Variants in EFHD1 observed in about 807,000 individuals in gnomAD.
EFHD1 encodes EF-hand domain family member D1.
A neutral mutation model predicts 17.2 loss-of-function variants in EFHD1; 10 were observed. That is an observed-to-expected ratio of 0.58 (90% CI 0.36 to 0.99). The LOEUF (loss-of-function observed/expected upper bound fraction) is 0.99. EFHD1 is among the 50% of genes least tolerant of loss of function. The pLI, the probability that EFHD1 is intolerant of heterozygous loss-of-function variation, is 0.01. For missense variants in EFHD1, 310 were observed against 327.5 expected (o/e 0.95, Z 0.41); for synonymous variants, 153 against 142.0 (o/e 1.08, Z -0.55).
At chr2:232,631,531 A>C (rs1694200888), upstream of EFHD1, among the ~76,000 whole-genome samples, 1 of 151,060 alleles carries the variant, frequency 6.6e-6, no homozygotes, top group Non-Finnish European at 1.5e-5. Context: ...AGCTGGTCTC[A>C]AACTCCTGGG....
In EFHD1 at chr2:232,654,305, C is replaced by T. The variant is rs534092025; in HGVS notation, c.303-8497C>T. Reference sequence around the variant, plus strand: ...GACATATTTGACCTTTTTTGTTAGGCCTGGAGAACGTTGCAGGCTTTGGGG... The same window carrying T: ...GACATATTTGACCTTTTTTGTTAGGTCTGGAGAACGTTGCAGGCTTTGGGG... On this transcript the variant is annotated intron_variant, in intron 1 of 3. Transcript: ENST00000264059. Among the ~76,000 whole-genome samples, 37 of 151,814 alleles carry T rather than the reference C, an allele frequency of 2.4e-4. No individual in the cohort carries two copies. In the South Asian group the frequency reaches 7.5e-3, roughly 31 times the overall value.
At chr2:232,661,176 A>G (rs1480051629) in intron 1 of EFHD1, among the ~76,000 whole-genome samples, 2 of 151,660 alleles carry the variant, frequency 1.3e-5, no homozygotes, top group Non-Finnish European at 2.9e-5. Flanking sequence ...AAAAAACAAA[A>G]CCTCTGACCA....
chr2:232,673,964 A>G (rs759560704), intron 3 of EFHD1, among the ~76,000 whole-genome samples: 6 of 144,518 alleles, frequency 4.2e-5, no homozygotes, highest in Non-Finnish European at 8.9e-5. Flanking sequence ...GCTGCAGTAC[A>G]GTGGCACGAT....
rs555372853 is a variant in EFHD1 at position 232,618,021 on chromosome 2, A to T, written c.14+11848A>T. Among the ~76,000 whole-genome samples, 14 of 151,732 alleles carry T rather than the reference A, an allele frequency of 9.2e-5. No individual in the cohort carries two copies. In the East Asian group the frequency reaches 1.2e-3, roughly 13 times the overall value. ...AAAGATAAATAAACCAATTTAATTT[A>T]ATTTATTTATTTATTTGAGATGGAG... On this transcript the variant is annotated intron_variant, in intron 1 of 3. Transcript: ENST00000409613.
Position 232,672,346 on chromosome 2 carries a change from T to C in EFHD1, c.488T>C (p.Leu163Pro). Reference protein sequence around the residue: ...LIFHKAAAGELQEDSGLMALA... With the variant: ...LIFHKAAAGEPQEDSGLMALA... ...TTCCACAAGGCCGCGGCAGGGGAGCTGCAGGAGGACAGTGGGCTGATGGCG... is the reference window on the plus strand; with the variant it reads ...TTCCACAAGGCCGCGGCAGGGGAGCCGCAGGAGGACAGTGGGCTGATGGCG... The change falls in exon 3 of 4, where the codon CTG becomes CCG. Residue 163 changes from leucine (L) to proline (P), a missense_variant. Coordinates refer to ENST00000264059, the MANE Select transcript of EFHD1 (RefSeq NM_025202.4). 6.2e-7 allele frequency: 1 copy of C among 1,614,176 alleles called. No homozygotes were observed. The highest frequency in any genetic ancestry group is 1.1e-5 in the South Asian group (1 of 91,082).
intron 3 of EFHD1, among the ~76,000 whole-genome samples, chr2:232,676,697 G>A (rs1374636127): frequency 1.3e-5 from 2 of 152,168 alleles, no homozygotes; most frequent in Admixed American, 1.3e-4. Flanking sequence ...GATACAAGTT[G>A]AAACCAAGGA....
intron 1 of EFHD1, among the ~76,000 whole-genome samples, chr2:232,616,363 A>G (rs531750515): frequency 2.0e-4 from 30 of 152,130 alleles, no homozygotes; most frequent in African/African-American, 5.3e-4. Flanking sequence ...CAGTGGCACA[A>G]TCTCGGCTCA....
At chr2:232,620,314 G>T (rs903841868) in intron 1 of EFHD1, among the ~76,000 whole-genome samples, 2 of 151,428 alleles carry the variant, frequency 1.3e-5, no homozygotes, top group African/African-American at 4.8e-5. Flanking sequence ...CGTGAACCCG[G>T]GAGGTGGAGG....
intron 1 of EFHD1, among the ~76,000 whole-genome samples, chr2:232,617,656 A>AG (rs2106184869): frequency 6.7e-6 from 1 of 148,594 alleles, no homozygotes; most frequent in Non-Finnish European, 1.5e-5. Context: ...CCGTCTCAAA[A>AG]AAAAAAAAAA....
chr2:232,647,848 G>C (rs926888429), intron 1 of EFHD1, among the ~76,000 whole-genome samples: 1 of 151,948 alleles, frequency 6.6e-6, no homozygotes, highest in South Asian at 2.1e-4. Context: ...GGTTGGCCAG[G>C]CTGGTCTCAA....
At position 232,620,170 on chromosome 2, in the gene EFHD1, C is replaced by T. The variant is rs565114052; in HGVS notation, c.14+13997C>T. ...TCGGGAGGCTGAGGCGGGTGGATCA[C>T]GAGGTCAGGAGATCAAGACCATCCT... is the stretch of plus-strand genomic sequence containing the variant. On this transcript the variant is annotated intron_variant, in intron 1 of 3. Coordinates refer to the EFHD1 transcript ENST00000409613. 4.1e-4 allele frequency among the ~76,000 whole-genome samples: 62 copies of T among 151,180 alleles called. 1 individual carries two copies. In the South Asian group the frequency reaches 0.01, roughly 25 times the overall value.
chr2:232,671,030 T>C (rs540713620), intron 2 of EFHD1, among the ~76,000 whole-genome samples: 15 of 152,348 alleles, frequency 9.8e-5, no homozygotes, highest in African/African-American at 3.4e-4. Context: ...TTTTTTACTT[T>C]CATAGATAAT....
At chr2:232,643,430 C>T (rs1436804732) in intron 1 of EFHD1, among the ~76,000 whole-genome samples, 2 of 152,058 alleles carry the variant, frequency 1.3e-5, no homozygotes, top group African/African-American at 4.8e-5. Flanking sequence ...TTTTTTGAGA[C>T]AGGGTCTTGC....
intron 1 of EFHD1, among the ~76,000 whole-genome samples, chr2:232,641,184 A>G (rs1694424874): frequency 6.6e-6 from 1 of 152,010 alleles, no homozygotes; most frequent in East Asian, 1.9e-4. Flanking sequence ...CTGGGACTAC[A>G]GGCACGACCA....
chr2:232,649,607 T>C lies in EFHD1; in HGVS notation c.303-13195T>C, dbSNP rs575949582. On this transcript the variant is annotated intron_variant, in intron 1 of 3. Coordinates refer to ENST00000264059, the MANE Select transcript of EFHD1 (RefSeq NM_025202.4). ...CTTCCTCATGACCGCAGACAAGTGC[T>C]ACTTTAAAAAAATAGCCTCCTCACC... is the stretch of plus-strand genomic sequence containing the variant. Among the ~76,000 whole-genome samples, 10 of 152,254 alleles carry C rather than the reference T, an allele frequency of 6.6e-5. No homozygotes were observed. In the South Asian group the frequency reaches 2.1e-3, roughly 32 times the overall value.
At chr2:232,644,937 T>C (rs1422719035) in intron 1 of EFHD1, among the ~76,000 whole-genome samples, 1 of 146,390 alleles carries the variant, frequency 6.8e-6, no homozygotes, top group Non-Finnish European at 1.5e-5. Flanking sequence ...CCACCATGCC[T>C]GGCAATTTTT....
At chr2:232,647,266 G>A (rs530591104) in intron 1 of EFHD1, among the ~76,000 whole-genome samples, 2 of 152,372 alleles carry the variant, frequency 1.3e-5, no homozygotes, top group African/African-American at 4.8e-5. Context: ...GCTGGCAGCA[G>A]TGGGTGGAGA....
intron 1 of EFHD1, among the ~76,000 whole-genome samples, chr2:232,624,918 T>C (rs1381097363): frequency 6.6e-6 from 1 of 152,174 alleles, no homozygotes; most frequent in African/African-American, 2.4e-5. Context: ...ACCGACTCCA[T>C]GATGCCCCTC....
chr2:232,669,466 C>T (rs1043520334), intron 2 of EFHD1, among the ~76,000 whole-genome samples: 17 of 152,106 alleles, frequency 1.1e-4, no homozygotes, highest in African/African-American at 2.9e-4. Context: ...AGCCTCTCAC[C>T]GGCATGAAAC....
Sources: gnomAD v4.1 joint callset for allele counts (sites outside exome capture counted in the v4.1 genomes callset) on GRCh38, gnomAD v4.1.1 for gene constraint, MANE v1.5 for transcripts, NCBI Gene and HGNC (gene_info 2026-07-23, HGNC 2026-07-21) for gene names.